PRDM6: variants seen among roughly 807,000 people sequenced by gnomAD.
The protein encoded by PRDM6 is putative histone-lysine N-methyltransferase PRDM6.
A neutral mutation model predicts 60.8 loss-of-function variants in PRDM6; 25 were observed. That is an observed-to-expected ratio of 0.41 (90% CI 0.30 to 0.57). The LOEUF is 0.57. Among genes scored for constraint, PRDM6 ranks in the 20% least tolerant of loss-of-function variants. The pLI, the probability that PRDM6 is intolerant of heterozygous loss-of-function variation, is 0.27. For missense variants in PRDM6, 839 were observed against 821.3 expected (o/e 1.02, Z -0.26); for synonymous variants, 407 against 357.4 (o/e 1.14, Z -1.57).
At chr5:123,097,362 C>T (rs1271987294) in intron 2 of PRDM6, among the ~76,000 whole-genome samples, 1 of 151,966 alleles carries the variant, frequency 6.6e-6, no homozygotes, top group Non-Finnish European at 1.5e-5. Flanking sequence ...GTTAAATTTC[C>T]CCAGCTTTCA....
intron 3 of PRDM6, among the ~76,000 whole-genome samples, chr5:123,112,953 A>G (rs1414140509): frequency 6.6e-6 from 1 of 152,194 alleles, no homozygotes; most frequent in Admixed American, 6.5e-5. Flanking sequence ...TTAGACATTT[A>G]GCTGATTGTT....
Position 123,095,376 on chromosome 5 carries a change from C to T in PRDM6, c.593-4278C>T, listed in dbSNP as rs901433785. Among the ~76,000 whole-genome samples the T allele has an allele frequency of 3.9e-5, 6 of 152,238 alleles. No individual in the cohort carries two copies. The South Asian group carries it at 6.2e-4, about 16-fold the overall frequency. On this transcript the variant is annotated intron_variant, in intron 2 of 7. Transcript: ENST00000407847. ...GCTCCCTTTCAGCCATCCCATCTAGCCTATAGCTCGAGAAGGCAGTGGGGG... is the reference window on the plus strand; with the variant it reads ...GCTCCCTTTCAGCCATCCCATCTAGTCTATAGCTCGAGAAGGCAGTGGGGG...
rs1055684869 is a variant in PRDM6 at position 123,192,043 on chromosome 5, T to C, written c.*4842T>C. 1 of 152,214 alleles carries C rather than the reference T, an allele frequency of 6.6e-6. No individual in the cohort carries two copies. Among genetic ancestry groups the C allele is most frequent in the African/African-American group, 2.4e-5 (1 of 41,454 alleles). The allele number at this position is 152,214 out of a possible 1,614,324, so 9.4% of individuals were successfully genotyped here. ...AAACAGGTCAAAGTCATGAAACATT[T>C]GAATTGTCTTTCCTATAGACTGAAT... On this transcript the variant is annotated 3_prime_UTR_variant, in exon 8 of 8. Coordinates refer to ENST00000407847, the MANE Select transcript of PRDM6 (RefSeq NM_001136239.4).
At position 123,187,244 on chromosome 5, in the gene PRDM6, T is replaced by A; in HGVS notation, c.*43T>A. On this transcript the variant is annotated 3_prime_UTR_variant, in exon 8 of 8. Transcript: ENST00000407847. ...ATTAAACTGCAAGGAAAGTCATGAT[T>A]AAATGTCACGGACACTTAAGCAAAA... 6.9e-7 allele frequency: 1 copy of A among 1,448,632 alleles called. No individual in the cohort carries two copies. The highest frequency in any genetic ancestry group is 9.5e-7 in the Non-Finnish European group (1 of 1,054,412). 89.7% of individuals were successfully genotyped at this position (1,448,632 alleles called of 1,614,324 possible).
intron 3 of PRDM6, among the ~76,000 whole-genome samples, chr5:123,118,420 A>G (rs1322728533): frequency 6.6e-6 from 1 of 152,230 alleles, no homozygotes; most frequent in African/African-American, 2.4e-5. Context: ...CAAATAGGAA[A>G]CTACAACATA....
intron 3 of PRDM6, among the ~76,000 whole-genome samples, chr5:123,113,594 T>C (rs573243593): frequency 6.6e-6 from 1 of 152,308 alleles, no homozygotes; most frequent in Non-Finnish European, 1.5e-5. Context: ...GATTTCCATG[T>C]AGGTGTTGTG....
chr5:123,193,310 A>G lies in PRDM6; in HGVS notation c.*6109A>G, dbSNP rs748194849. The G allele has an allele frequency of 2.0e-5, 3 of 152,154 alleles. No individual in the cohort carries two copies. The highest frequency in any genetic ancestry group is 2.9e-5 in the Non-Finnish European group (2 of 68,028). The allele number at this position is 152,154 out of a possible 1,614,324, so 9.4% of individuals were successfully genotyped here. On this transcript the variant is annotated 3_prime_UTR_variant, in exon 8 of 8. Coordinates refer to ENST00000407847, the MANE Select transcript of PRDM6 (RefSeq NM_001136239.4). ...ATAAACTTTAACAAGCTGGAGATCT[A>G]TTTCTACAGCACAACTCTTTCATGT...
At chr5:123,123,733 T>C (rs1000053908) in intron 3 of PRDM6, among the ~76,000 whole-genome samples, 9 of 152,192 alleles carry the variant, frequency 5.9e-5, no homozygotes, top group African/African-American at 2.2e-4. Context: ...TCTGATAACA[T>C]TGGAAACTTT....
chr5:123,164,304 G>T (rs181670502), intron 5 of PRDM6, among the ~76,000 whole-genome samples: 94 of 152,300 alleles, frequency 6.2e-4, no homozygotes, highest in African/African-American at 2.1e-3. Context: ...TGTGTACAGT[G>T]CAAAGCTGGG....
intron 3 of PRDM6, among the ~76,000 whole-genome samples, chr5:123,122,786 C>T (rs1295844117): frequency 6.6e-6 from 1 of 151,594 alleles, no homozygotes; most frequent in Admixed American, 6.6e-5. Flanking sequence ...GGCAATAAAC[C>T]TTTAAAAAAA....
intron 3 of PRDM6, among the ~76,000 whole-genome samples, chr5:123,101,361 C>G (rs1450838914): frequency 1.3e-5 from 2 of 152,126 alleles, no homozygotes; most frequent in Non-Finnish European, 2.9e-5. Flanking sequence ...ACGTGGAAGC[C>G]AATGAACTAC....
In PRDM6 at chr5:123,099,274, C is replaced by G. The variant is rs571630059; in HGVS notation, c.593-380C>G. ...CGAGAGGGTCAGAAGGAACGAGAGACAGTAGGGAAGAGAGAGAGAGAGACA... is the reference window on the plus strand; with the variant it reads ...CGAGAGGGTCAGAAGGAACGAGAGAGAGTAGGGAAGAGAGAGAGAGAGACA... On this transcript the variant is annotated intron_variant, in intron 2 of 7. Transcript: ENST00000407847. This position sits in a 1 kb window ranked among gnomAD's most constrained non-coding sequence, Gnocchi z 4.0. Among the ~76,000 whole-genome samples the G allele has an allele frequency of 1.3e-5, 2 of 151,860 alleles. No individual in the cohort carries two copies. Among genetic ancestry groups the G allele is most frequent in the African/African-American group, 2.4e-5 (1 of 41,328 alleles).
At chr5:123,167,101 C>G (rs891966618) in intron 5 of PRDM6, among the ~76,000 whole-genome samples, 9 of 152,130 alleles carry the variant, frequency 5.9e-5, no homozygotes, top group African/African-American at 2.2e-4. Flanking sequence ...GAAGAATAAT[C>G]TTGTGTGTCT....
rs1764061439 is a variant in PRDM6 at position 123,099,945 on chromosome 5, C to A, written c.884C>A (p.Thr295Lys). ...EKVQAGAVRN[T>K]QHLWEIYDQD... Reference sequence around the variant, plus strand: ...GTGCAGGCAGGCGCCGTGAGGAACACGCAGCATCTCTGGGAGGTAAGTGGC... The same window carrying A: ...GTGCAGGCAGGCGCCGTGAGGAACAAGCAGCATCTCTGGGAGGTAAGTGGC... The change falls in exon 3 of 8, where the codon ACG becomes AAG. Residue 295 changes from threonine to lysine, a missense_variant. This residue lies in a region of PRDM6 where 730 missense variants were observed against 648.8 expected (regional missense o/e 1.13). Coordinates refer to ENST00000407847, the MANE Select transcript of PRDM6 (RefSeq NM_001136239.4). This position sits in a 1 kb window ranked among gnomAD's most constrained non-coding sequence, Gnocchi z 4.0. The A allele has an allele frequency of 1.3e-6, 2 of 1,525,852 alleles. No individual in the cohort carries two copies. The highest frequency in any genetic ancestry group is 8.8e-7 in the Non-Finnish European group (1 of 1,130,632). The allele number at this position is 1,525,852 out of a possible 1,614,324, so 94.5% of individuals were successfully genotyped here.
Position 123,121,034 on chromosome 5 carries a change from G to A in PRDM6, c.900+21073G>A, listed in dbSNP as rs1032546406. On this transcript the variant is annotated intron_variant, in intron 3 of 7. Transcript: ENST00000407847. ...TTGTTTTAAAGATCTGTGAGTTGAT[G>A]TTTATAAATGTTAACTCACTGATGT... 3.9e-5 allele frequency among the ~76,000 whole-genome samples: 6 copies of A among 152,192 alleles called. No individual in the cohort carries two copies. The East Asian group carries it at 5.8e-4, about 15-fold the overall frequency.
At chr5:123,109,022 A>G (rs1206455109) in intron 3 of PRDM6, among the ~76,000 whole-genome samples, 1 of 152,146 alleles carries the variant, frequency 6.6e-6, no homozygotes, top group Admixed American at 6.5e-5. Context: ...TTTTATTAAC[A>G]GCCTGCAGAC....
At chr5:123,138,362 G>A (rs1765016496) in intron 3 of PRDM6, among the ~76,000 whole-genome samples, 1 of 152,196 alleles carries the variant, frequency 6.6e-6, no homozygotes, top group South Asian at 2.1e-4. Flanking sequence ...CAAAATGTCA[G>A]GAATGGTTCT....
At chr5:123,094,432 T>TTCTCTCTCTCTC (rs3037346) in intron 2 of PRDM6, among the ~76,000 whole-genome samples, 1,600 of 148,014 alleles carry the variant, frequency 0.011, 19 homozygotes, top group Admixed American at 0.015. Flanking sequence ...GCTTTTGTGT[T>TTCTCTCTCTCTC]TCTCTCTCTC....
At chr5:123,148,553 G>A (rs1765300789) in intron 3 of PRDM6, among the ~76,000 whole-genome samples, 2 of 151,508 alleles carry the variant, frequency 1.3e-5, no homozygotes, top group South Asian at 4.2e-4. Flanking sequence ...TAATGAAGAA[G>A]CTTTATTGTA....
Sources: gnomAD v4.1 joint callset for allele counts (sites outside exome capture counted in the v4.1 genomes callset) on GRCh38, gnomAD v4.1.1 for gene constraint, gnomAD v4.1.1 regional missense constraint, Gnocchi (gnomAD v3.1) non-coding constraint, MANE v1.5 for transcripts, NCBI Gene and HGNC (gene_info 2026-07-23, HGNC 2026-07-21) for gene names.